The following PARD3 variants were observed in gnomAD, a reference collection of about 807,000 sequenced individuals.
The protein encoded by PARD3 is partitioning defective 3 homolog.
In PARD3, 75 loss-of-function variants were observed where a neutral mutation model predicts 155.4. The ratio of observed to expected loss-of-function variants is 0.48; its 90% CI spans 0.40 to 0.58. The LOEUF (loss-of-function observed/expected upper bound fraction) is 0.58. Ranked by LOEUF, PARD3 falls within the 20% of genes least tolerant of loss-of-function variation. PARD3 has a pLI of 0.00. For synonymous variants in PARD3, 576 were observed against 610.5 expected (o/e 0.94, Z 0.83); for missense variants, 1,642 against 1,721.7 (o/e 0.95, Z 0.82).
intron 1 of PARD3, among the ~76,000 whole-genome samples, chr10:34,761,495 C>T (rs1010181016): frequency 6.6e-6 from 1 of 152,030 alleles, no homozygotes; most frequent in Non-Finnish European, 1.5e-5. Flanking sequence ...TAGTTTAAAA[C>T]AAAACAAATC....
At chr10:34,219,125 T>C (rs538656212) in intron 22 of PARD3, among the ~76,000 whole-genome samples, 1 of 152,298 alleles carries the variant, frequency 6.6e-6, no homozygotes. Context: ...CTGCCCACTT[T>C]ATGTCAAAAT....
At chr10:34,479,638 T>C (rs2078946345) in intron 3 of PARD3, among the ~76,000 whole-genome samples, 1 of 152,208 alleles carries the variant, frequency 6.6e-6, no homozygotes, top group Non-Finnish European at 1.5e-5. Context: ...CCCTGTAGCC[T>C]GTCCACACAG....
At chr10:34,411,147 C>G (rs886632836) in intron 5 of PARD3, among the ~76,000 whole-genome samples, 4 of 152,066 alleles carry the variant, frequency 2.6e-5, no homozygotes, top group African/African-American at 9.7e-5. Context: ...CTCTAACAGA[C>G]AGAGATGGGG....
At chr10:34,225,275 G>A (rs1335405455) in intron 22 of PARD3, among the ~76,000 whole-genome samples, 4 of 152,072 alleles carry the variant, frequency 2.6e-5, no homozygotes, top group African/African-American at 9.7e-5. Flanking sequence ...GTACCACAGA[G>A]AGCTTAAATA....
chr10:34,588,860 A>G (rs1410557664), intron 2 of PARD3, among the ~76,000 whole-genome samples: 1 of 152,210 alleles, frequency 6.6e-6, no homozygotes. Flanking sequence ...CCCAAGACCT[A>G]CTGAATCAAG....
At position 34,289,928 on chromosome 10, in the gene PARD3, A is replaced by C. The variant is rs888894828; in HGVS notation, c.3066-5683T>G. On this transcript the variant is annotated intron_variant, in intron 20 of 24. Transcript: ENST00000374788. ...ATAGCAAAAAGCAAACAAAATGACA[A>C]CAAAGGATGACAACAAATTCTACTG... Among the ~76,000 whole-genome samples, 8 of 152,218 alleles carry C rather than the reference A, an allele frequency of 5.3e-5. 1 individual carries two copies. In the East Asian group the frequency reaches 1.5e-3, roughly 29 times the overall value.
intron 2 of PARD3, among the ~76,000 whole-genome samples, chr10:34,651,201 T>A (rs2093005983): frequency 6.6e-6 from 1 of 152,126 alleles, no homozygotes. Context: ...TGACAAAAAT[T>A]AGATTTTTGC....
chr10:34,791,620 AG>A (rs1268759886), intron 1 of PARD3, among the ~76,000 whole-genome samples: 1 of 152,192 alleles, frequency 6.6e-6, no homozygotes, highest in Admixed American at 6.5e-5. Flanking sequence ...GAGCGCCTAG[AG>A]TCCCAGTGCC....
chr10:34,361,237 G>A (rs1376373046), intron 12 of PARD3, among the ~76,000 whole-genome samples: 5 of 152,176 alleles, frequency 3.3e-5, no homozygotes, highest in Non-Finnish European at 7.3e-5. Context: ...TAACAGACAC[G>A]TGGCACAGGC....
chr10:34,205,968 G>C (rs1323408502), intron 22 of PARD3, among the ~76,000 whole-genome samples: 1 of 152,102 alleles, frequency 6.6e-6, no homozygotes. Flanking sequence ...AGGAGGGGCA[G>C]CACCTGTGGC....
At chr10:34,135,133 A>T (rs973849526) in intron 22 of PARD3, among the ~76,000 whole-genome samples, 1 of 152,190 alleles carries the variant, frequency 6.6e-6, no homozygotes, top group Non-Finnish European at 1.5e-5. Context: ...ATGAAGAGTC[A>T]GAAATCCTAA....
chr10:34,423,600 T>G (rs1198139830), intron 5 of PARD3, among the ~76,000 whole-genome samples: 1 of 152,158 alleles, frequency 6.6e-6, no homozygotes, highest in Non-Finnish European at 1.5e-5. Flanking sequence ...TAAAACATTT[T>G]ATAAAATTTG....
At chr10:34,550,753 AG>A (rs2084485048) in intron 2 of PARD3, among the ~76,000 whole-genome samples, 1 of 152,226 alleles carries the variant, frequency 6.6e-6, no homozygotes. Context: ...TTTAACTATT[AG>A]TTTAAAAATA....
intron 19 of PARD3, among the ~76,000 whole-genome samples, chr10:34,320,868 A>T (rs894447411): frequency 6.6e-6 from 1 of 152,006 alleles, no homozygotes; most frequent in Non-Finnish European, 1.5e-5. Context: ...TATCACAGAA[A>T]CTCTTCTGGG....
At chr10:34,225,878 T>C (rs761746226) in intron 22 of PARD3, among the ~76,000 whole-genome samples, 102 of 151,818 alleles carry the variant, frequency 6.7e-4, no homozygotes, top group Non-Finnish European at 1.2e-3. Context: ...GAAAATAAAG[T>C]TGAAAAATTG....
chr10:34,608,376 T>C (rs2090625477), intron 2 of PARD3, among the ~76,000 whole-genome samples: 1 of 152,120 alleles, frequency 6.6e-6, no homozygotes, highest in Non-Finnish European at 1.5e-5. Context: ...GTATTCTCCA[T>C]TACATATATT....
chr10:34,483,219 G>A (rs2079206694), intron 3 of PARD3, among the ~76,000 whole-genome samples: 1 of 151,840 alleles, frequency 6.6e-6, no homozygotes, highest in Non-Finnish European at 1.5e-5. Context: ...AACAAAACAT[G>A]AGAAAGAAAA....
In PARD3 at chr10:34,500,859, AAG is replaced by A. The variant is rs553114568; in HGVS notation, c.403+16118_403+16119del. Reference sequence around the variant, plus strand: ...CAGAAGGAAAGAGGAGAGCTTGAACAAGAGAGAGTACCAGTGAAAGAATGAAA... The same window carrying A: ...CAGAAGGAAAGAGGAGAGCTTGAACAAGAGAGTACCAGTGAAAGAATGAAA... On this transcript the variant is annotated intron_variant, in intron 3 of 24. Coordinates refer to ENST00000374788, the MANE Select transcript of PARD3 (RefSeq NM_001184785.2). 2.2e-4 allele frequency among the ~76,000 whole-genome samples: 34 copies of A among 152,328 alleles called. No homozygotes were observed. In the East Asian group the frequency reaches 5.6e-3, roughly 25 times the overall value.
intron 14 of PARD3, among the ~76,000 whole-genome samples, chr10:34,355,552 A>G (rs577482401): frequency 6.6e-6 from 1 of 152,290 alleles, no homozygotes; most frequent in South Asian, 2.1e-4. Flanking sequence ...TGAGCTGGAA[A>G]GAGGATGATA....
Sources: allele counts gnomAD v4.1 joint callset (sites outside exome capture counted in the v4.1 genomes callset), GRCh38; gene constraint gnomAD v4.1.1; transcripts MANE v1.5; gene names NCBI Gene and HGNC (gene_info 2026-07-23, HGNC 2026-07-21).